The following ZNF148 variants were observed in gnomAD, a reference collection of about 807,000 sequenced individuals.
ZNF148 encodes Beta-Enolase Repressor Factor-1.
Under a neutral mutation model 67.7 loss-of-function variants are expected in ZNF148, and 7 were observed. The ratio of observed to expected loss-of-function variants is 0.10; its 90% CI spans 0.06 to 0.19. The LOEUF is 0.19. Ranked by LOEUF, ZNF148 falls within the 10% of genes least tolerant of loss-of-function variation. ZNF148 has a pLI of 1.00. For missense variants in ZNF148, 583 were observed against 947.1 expected (o/e 0.62, Z 5.05); for synonymous variants, 333 against 330.7 (o/e 1.01, Z -0.08).
chr3:125,233,043 A>G lies in ZNF148; in HGVS notation c.1683T>C (p.Ser561=). ...TAGAAGTCACTTCAGTATCTGCAAC[A>G]CTGAAGGATATCTCATGCTGTCCAT... The part of the protein sequence containing the change: ...KANGQHEISF[S]VADTEVTSSI... Residue 561 remains serine, a synonymous_variant, in exon 9 of 9, where the codon AGT becomes AGC. Coordinates refer to ENST00000360647, the MANE Select transcript of ZNF148 (RefSeq NM_021964.3). This position sits in a 1 kb window ranked among gnomAD's most constrained non-coding sequence, Gnocchi z 5.1. 6.2e-7 allele frequency: 1 copy of G among 1,613,550 alleles called. No homozygotes were observed. Among genetic ancestry groups the G allele is most frequent in the African/African-American group, 1.3e-5 (1 of 75,030 alleles).
chr3:125,345,982 T>G (rs1941927170), intron 1 of ZNF148, among the ~76,000 whole-genome samples: 1 of 152,224 alleles, frequency 6.6e-6, no homozygotes, highest in South Asian at 2.1e-4. Flanking sequence ...ACTCATTTTA[T>G]GAGATCAGCA....
chr3:125,302,234 C>T (rs1200382233), intron 4 of ZNF148, among the ~76,000 whole-genome samples: 1 of 151,678 alleles, frequency 6.6e-6, no homozygotes, highest in African/African-American at 2.4e-5. Flanking sequence ...GAACATTAGC[C>T]AGGCAAGGTG....
At chr3:125,371,781 C>T (rs998033357) in intron 1 of ZNF148, among the ~76,000 whole-genome samples, 1 of 151,682 alleles carries the variant, frequency 6.6e-6, no homozygotes, top group Non-Finnish European at 1.5e-5. Context: ...ATACTGCAAT[C>T]AGGCCGGGCG....
chr3:125,344,597 T>G, intron 1 of ZNF148: 1 of 818,152 alleles, frequency 1.2e-6, no homozygotes, highest in South Asian at 1.3e-5. Flanking sequence ...TTGCCACCAT[T>G]TAATCCTGTC....
intron 5 of ZNF148, among the ~76,000 whole-genome samples, chr3:125,282,809 T>A (rs1938461112): frequency 6.6e-6 from 1 of 152,042 alleles, no homozygotes; most frequent in South Asian, 2.1e-4. Flanking sequence ...ATTCAGAGAT[T>A]TTTCACTCCA....
rs1935647043 is a variant in ZNF148 at position 125,226,606 on chromosome 3, A to G, written c.*5735T>C. ...ATAGGTCAGTTTAAAGAACATCTCT[A>G]TGTTCCATGACTATGCATGAAACAA... On this transcript the variant is annotated 3_prime_UTR_variant, in exon 9 of 9. Coordinates refer to ENST00000360647, the MANE Select transcript of ZNF148 (RefSeq NM_021964.3). 2 of 152,630 alleles carry G rather than the reference A, an allele frequency of 1.3e-5. No homozygotes were observed. Among genetic ancestry groups the G allele is most frequent in the African/African-American group, 4.8e-5 (2 of 41,454 alleles). 9.5% of individuals were successfully genotyped at this position (152,630 alleles called of 1,614,324 possible).
chr3:125,341,243 G>GA lies in ZNF148; in HGVS notation c.-233-10006dup, dbSNP rs1257808351. Among the ~76,000 whole-genome samples, 5 of 147,496 alleles carry GA rather than the reference G, an allele frequency of 3.4e-5. No individual in the cohort carries two copies. In the East Asian group the frequency reaches 9.9e-4, roughly 29 times the overall value. On this transcript the variant is annotated intron_variant, in intron 1 of 8. Transcript: ENST00000360647. ...TTATCCAGAAATAAGTGAAAAAATG[G>GA]AAAATCTCAGCAAAGAAACAGAAGT...
chr3:125,281,464 G>A (rs1264633322), intron 5 of ZNF148, among the ~76,000 whole-genome samples: 1 of 152,054 alleles, frequency 6.6e-6, no homozygotes, highest in African/African-American at 2.4e-5. Context: ...TTTTTTTCAT[G>A]TATGTTGATA....
At chr3:125,357,011 G>A (rs192379652) in intron 1 of ZNF148, 1 of 152,348 alleles carries the variant, frequency 6.6e-6, no homozygotes, top group Admixed American at 6.5e-5. Flanking sequence ...ACACAATGCA[G>A]TTCAACAGAA....
intron 1 of ZNF148, among the ~76,000 whole-genome samples, chr3:125,374,156 T>C (rs911701319): frequency 6.6e-6 from 1 of 152,116 alleles, no homozygotes; most frequent in African/African-American, 2.4e-5. Context: ...ACGTCTAAAA[T>C]GTCACAGACC....
chr3:125,276,580 T>A (rs1938085946), intron 7 of ZNF148, among the ~76,000 whole-genome samples: 1 of 152,006 alleles, frequency 6.6e-6, no homozygotes, highest in Admixed American at 6.6e-5. Context: ...ATTACAGGCA[T>A]GTGCTACCAT....
chr3:125,323,076 A>C (rs947192337), intron 3 of ZNF148, among the ~76,000 whole-genome samples: 2 of 152,184 alleles, frequency 1.3e-5, no homozygotes, highest in African/African-American at 4.8e-5. Flanking sequence ...CTCTCAATTA[A>C]ATTTCACTTA....
At chr3:125,239,536 T>C (rs1485646533) in intron 7 of ZNF148, among the ~76,000 whole-genome samples, 2 of 152,148 alleles carry the variant, frequency 1.3e-5, no homozygotes, top group East Asian at 3.8e-4. Context: ...AAAGCATGGA[T>C]GTAGAGAATT....
chr3:125,308,860 G>C (rs1483337310), intron 4 of ZNF148, among the ~76,000 whole-genome samples: 1 of 152,090 alleles, frequency 6.6e-6, no homozygotes, highest in Admixed American at 6.5e-5. Flanking sequence ...ACCACAAAAA[G>C]GAGGATGAAT....
chr3:125,247,242 G>C (rs748171147), intron 7 of ZNF148, among the ~76,000 whole-genome samples: 1 of 152,166 alleles, frequency 6.6e-6, no homozygotes, highest in African/African-American at 2.4e-5. Flanking sequence ...ACTTCAGAAA[G>C]ATTGGCAATG....
At chr3:125,367,812 T>G (rs1266334103) in intron 1 of ZNF148, among the ~76,000 whole-genome samples, 2 of 152,128 alleles carry the variant, frequency 1.3e-5, no homozygotes, top group Admixed American at 6.6e-5. Context: ...ATTTGTGGGG[T>G]ACAGGCTCAT....
At chr3:125,287,407 A>C (rs1256752656) in intron 5 of ZNF148, among the ~76,000 whole-genome samples, 1 of 152,128 alleles carries the variant, frequency 6.6e-6, no homozygotes, top group East Asian at 1.9e-4. Context: ...GGGAGGCTGA[A>C]GTGGGAGGAC....
At chr3:125,316,318 C>T (rs1312314405) in intron 3 of ZNF148, among the ~76,000 whole-genome samples, 1 of 152,210 alleles carries the variant, frequency 6.6e-6, no homozygotes, top group African/African-American at 2.4e-5. Flanking sequence ...AGGAGTGCAA[C>T]TATCTTTTAA....
intron 1 of ZNF148, chr3:125,344,442 G>A: frequency 1.1e-6 from 1 of 878,066 alleles, no homozygotes; most frequent in South Asian, 1.3e-5. Context: ...GTCCTCAAAA[G>A]GGTCTTCAAA....
Sources: gnomAD v4.1 joint callset for allele counts (sites outside exome capture counted in the v4.1 genomes callset) on GRCh38, gnomAD v4.1.1 for gene constraint, Gnocchi (gnomAD v3.1) non-coding constraint, MANE v1.5 for transcripts, NCBI Gene and HGNC (gene_info 2026-07-23, HGNC 2026-07-21) for gene names.